Variants in TCERG1L observed in about 807,000 individuals in gnomAD.
The protein encoded by TCERG1L is transcription elongation regulator 1-like protein.
TCERG1L carries 37 observed loss-of-function variants against 56.3 expected under a neutral mutation model. That is an observed-to-expected ratio of 0.66 (90% CI 0.51 to 0.87). The LOEUF is 0.87. Ranked by LOEUF, TCERG1L falls within the 40% of genes least tolerant of loss-of-function variation. TCERG1L has a pLI of 0.00. For synonymous variants in TCERG1L, 324 were observed against 326.3 expected, an observed-to-expected ratio of 0.99 and a Z score of 0.08; for missense variants, 799 against 774.2, an observed-to-expected ratio of 1.03 and a Z score of -0.38.
At chr10:131,285,519 A>C (rs1188171716) in intron 3 of TCERG1L, among the ~76,000 whole-genome samples, 1 of 12,884 alleles carries the variant, frequency 7.8e-5, no homozygotes, top group Non-Finnish European at 2.7e-4. Flanking sequence ...AAAGAAAGAA[A>C]GAAAGAGAGA....
At chr10:131,265,178 G>C (rs1321225157) in intron 3 of TCERG1L, among the ~76,000 whole-genome samples, 1 of 152,206 alleles carries the variant, frequency 6.6e-6, no homozygotes, top group East Asian at 1.9e-4. Flanking sequence ...AGGTGAGAGT[G>C]GTTTGTATAT....
intron 4 of TCERG1L, among the ~76,000 whole-genome samples, chr10:131,177,083 CGT>C (rs1846169732): frequency 2.0e-5 from 2 of 102,202 alleles, no homozygotes; most frequent in Non-Finnish European, 3.8e-5. Flanking sequence ...TACACACACA[CGT>C]ACTCACAGAC....
intron 7 of TCERG1L, among the ~76,000 whole-genome samples, chr10:131,143,548 A>C (rs1845761106): frequency 6.6e-6 from 1 of 152,186 alleles, no homozygotes; most frequent in African/African-American, 2.4e-5. Flanking sequence ...GAGCGGGCCA[A>C]GGTGGTGGGG....
intron 4 of TCERG1L, among the ~76,000 whole-genome samples, chr10:131,183,925 C>T (rs1217782737): frequency 6.6e-6 from 1 of 152,236 alleles, no homozygotes; most frequent in Non-Finnish European, 1.5e-5. Context: ...GCATTGATAG[C>T]AGTGGGACTC....
At chr10:131,302,638 T>TTA (rs1564837239) in intron 3 of TCERG1L, among the ~76,000 whole-genome samples, 1 of 151,548 alleles carries the variant, frequency 6.6e-6, no homozygotes, top group Non-Finnish European at 1.5e-5. Context: ...TTTTTTTTTT[T>TTA]TTATTATACT....
chr10:131,186,582 G>T (rs1845247351), intron 4 of TCERG1L, among the ~76,000 whole-genome samples: 1 of 152,170 alleles, frequency 6.6e-6, no homozygotes. Flanking sequence ...GATAAACACT[G>T]ATCTGGAAGG....
intron 4 of TCERG1L, among the ~76,000 whole-genome samples, chr10:131,208,329 C>T (rs965160029): frequency 4.2e-4 from 64 of 152,298 alleles, no homozygotes; most frequent in African/African-American, 1.5e-3. Flanking sequence ...CCACAGAGTG[C>T]GAAGCCTCAG....
At position 131,134,366 on chromosome 10, in the gene TCERG1L, C is replaced by A; in HGVS notation, c.1259+13G>T. On this transcript the variant is annotated intron_variant, in intron 8 of 11. Transcript: ENST00000368642. ...TAGGGAAAGATCTGCTGGGGAAGAGCACGGCCACCTACCGGTTCCTCTTGG... is the reference window on the plus strand; with the variant it reads ...TAGGGAAAGATCTGCTGGGGAAGAGAACGGCCACCTACCGGTTCCTCTTGG... 1 of 1,576,790 alleles carries A rather than the reference C, an allele frequency of 6.3e-7. No homozygotes were observed. The highest frequency in any genetic ancestry group is 8.6e-7 in the Non-Finnish European group (1 of 1,160,368).
intron 4 of TCERG1L, among the ~76,000 whole-genome samples, chr10:131,217,708 C>CTTTTTTTT (rs534101797): frequency 1.3e-5 from 1 of 79,046 alleles, no homozygotes; most frequent in Non-Finnish European, 2.3e-5. Flanking sequence ...AGTAGCTGCC[C>CTTTTTTTT]TTTTTTTTTT....
At chr10:131,106,315 C>A (rs564944991) in intron 9 of TCERG1L, among the ~76,000 whole-genome samples, 105 of 152,308 alleles carry the variant, frequency 6.9e-4, no homozygotes, top group African/African-American at 2.2e-3. Context: ...GCACTAGGGC[C>A]ATGGCGGAGA....
chr10:131,287,442 G>A (rs187412441), intron 3 of TCERG1L, among the ~76,000 whole-genome samples: 15 of 152,300 alleles, frequency 9.8e-5, no homozygotes, highest in Admixed American at 9.8e-4. Context: ...AAAATGATAT[G>A]AATTATGTTG....
intron 4 of TCERG1L, among the ~76,000 whole-genome samples, chr10:131,198,382 C>A (rs540787295): frequency 2.0e-5 from 3 of 152,384 alleles, no homozygotes; most frequent in Admixed American, 2.0e-4. Context: ...CTCCTGAGGG[C>A]CAGGACTCAC....
chr10:131,296,976 T>C (rs1241149485), intron 3 of TCERG1L, among the ~76,000 whole-genome samples: 1 of 152,236 alleles, frequency 6.6e-6, no homozygotes, highest in Non-Finnish European at 1.5e-5. Context: ...TTCGTATTAG[T>C]AGCTTTTGGT....
chr10:131,170,015 G>A (rs147719594), intron 4 of TCERG1L, among the ~76,000 whole-genome samples: 1 of 152,290 alleles, frequency 6.6e-6, no homozygotes, highest in East Asian at 1.9e-4. Context: ...CTTCTTAGAG[G>A]AGATATTGTT....
At chr10:131,189,387 G>A (rs1360723411) in intron 4 of TCERG1L, among the ~76,000 whole-genome samples, 2 of 152,084 alleles carry the variant, frequency 1.3e-5, no homozygotes, top group African/African-American at 4.8e-5. Flanking sequence ...ATGTCCATGT[G>A]TACACATCAT....
chr10:131,119,853 G>A (rs1845496175), intron 8 of TCERG1L, among the ~76,000 whole-genome samples: 1 of 152,208 alleles, frequency 6.6e-6, no homozygotes, highest in African/African-American at 2.4e-5. Context: ...GCGAGCCAGG[G>A]AGGTAGCCTT....
At chr10:131,285,320 G>C (rs537188801) in intron 3 of TCERG1L, among the ~76,000 whole-genome samples, 3 of 150,526 alleles carry the variant, frequency 2.0e-5, no homozygotes, top group Non-Finnish European at 4.4e-5. Context: ...GGAGGTTGCA[G>C]TGACCTAAGA....
intron 3 of TCERG1L, among the ~76,000 whole-genome samples, chr10:131,273,371 G>A (rs941337289): frequency 2.0e-5 from 3 of 152,154 alleles, no homozygotes; most frequent in Non-Finnish European, 2.9e-5. Context: ...CCAGGAACCC[G>A]GTTCCCAAAG....
At position 131,120,817 on chromosome 10, in the gene TCERG1L, G is replaced by A. The variant is rs79066043; in HGVS notation, c.1260-3883C>T. ...GTGAGATGGTCCACATCGACCTCTC[G>A]GAGCGACCCCTCCTGCTCCTTCACT... On this transcript the variant is annotated intron_variant, in intron 8 of 11. Transcript: ENST00000368642. Among the ~76,000 whole-genome samples the A allele has an allele frequency of 7.7e-3, 1,167 of 152,282 alleles. 12 individuals carry two copies. Among genetic ancestry groups the A allele is most frequent in the Non-Finnish European group, 0.01 (694 of 68,024 alleles).
Sources: gnomAD v4.1 joint callset for allele counts (sites outside exome capture counted in the v4.1 genomes callset) on GRCh38, gnomAD v4.1.1 for gene constraint, MANE v1.5 for transcripts, NCBI Gene and HGNC (gene_info 2026-07-23, HGNC 2026-07-21) for gene names.